The following MYRIP variants were observed in gnomAD, a reference collection of about 807,000 sequenced individuals.
The protein encoded by MYRIP is myosin VIIA and Rab interacting protein.
MYRIP carries 49 observed loss-of-function variants against 98.0 expected under a neutral mutation model. The ratio of observed to expected loss-of-function variants is 0.50; its 90% CI spans 0.40 to 0.63. The LOEUF is 0.63. MYRIP is among the 30% of genes least tolerant of loss of function. The probability of loss-of-function intolerance (pLI) is 0.00; values close to 1 mark genes in which losing one functional copy is unlikely to be tolerated. For missense variants in MYRIP, 1,004 were observed against 1,058.2 expected (o/e 0.95, Z 0.71); for synonymous variants, 404 against 409.5 (o/e 0.99, Z 0.16).
At chr3:39,858,824 A>G (rs1942379767) in intron 1 of MYRIP, among the ~76,000 whole-genome samples, 1 of 152,262 alleles carries the variant, frequency 6.6e-6, no homozygotes, top group African/African-American at 2.4e-5. Context: ...GAAATTTTTA[A>G]ATACCTTGAG....
chr3:39,964,850 G>A (rs2125737018), intron 2 of MYRIP, among the ~76,000 whole-genome samples: 1 of 152,156 alleles, frequency 6.6e-6, no homozygotes, highest in Middle Eastern at 3.4e-3. Flanking sequence ...TTTAATATGT[G>A]TATTCATCTG....
chr3:39,920,282 TG>T (rs1944277838), intron 2 of MYRIP, among the ~76,000 whole-genome samples: 1 of 152,174 alleles, frequency 6.6e-6, no homozygotes, highest in Non-Finnish European at 1.5e-5. Flanking sequence ...TAAACTCAAA[TG>T]TTTTTTATGG....
Position 39,929,846 on chromosome 3 carries a change from G to A in MYRIP, c.110+28920G>A, listed in dbSNP as rs139547151. The stretch of plus-strand genomic sequence containing the variant: ...AATCATGCAATGTGTTGCCTTTTGT[G>A]TAGGGCTTTTTCAACTTGGCATGTT... On this transcript the variant is annotated intron_variant, in intron 2 of 16. Coordinates refer to ENST00000302541, the MANE Select transcript of MYRIP (RefSeq NM_015460.4). 7.9e-5 allele frequency among the ~76,000 whole-genome samples: 12 copies of A among 152,046 alleles called. No homozygotes were observed. The East Asian group carries it at 1.7e-3, about 22-fold the overall frequency.
chr3:40,258,163 C>A lies in MYRIP; in HGVS notation c.2577C>A (p.Tyr859Ter), dbSNP rs1436781925. ...MEPALESAVM[Y>*] is the part of the protein sequence containing the mutation. ...CTGCTCTGGAGTCAGCTGTGATGTA[C>A]TGACACCATGGAATTCCACTGCCAG... The change falls in exon 17 of 17, where the codon TAC (tyrosine) becomes TAA (stop). Residue 859 changes from tyrosine to a stop codon, truncating the protein, a stop_gained. Coordinates refer to ENST00000302541, the MANE Select transcript of MYRIP (RefSeq NM_015460.4). LOFTEE classifies it high-confidence loss of function. 2 of 1,614,036 alleles carry A rather than the reference C, an allele frequency of 1.2e-6. No individual in the cohort carries two copies. The highest frequency in any genetic ancestry group is 2.2e-5 in the East Asian group (1 of 44,898).
chr3:40,169,598 A>T (rs1950567908), intron 7 of MYRIP, among the ~76,000 whole-genome samples: 1 of 152,174 alleles, frequency 6.6e-6, no homozygotes, highest in East Asian at 1.9e-4. Context: ...AGTCTCTCTG[A>T]GCCTGTTTCC....
Position 40,259,251 on chromosome 3 carries a change from A to T in MYRIP, c.*1085A>T, listed in dbSNP as rs1472222419. On this transcript the variant is annotated 3_prime_UTR_variant, in exon 17 of 17. Coordinates refer to ENST00000302541, the MANE Select transcript of MYRIP (RefSeq NM_015460.4). ...TCTGTGGTTTCTTTGAACCCATATC[A>T]AATGTATGACTATTTAGAGTGTTTA... 1 of 152,250 alleles carries T rather than the reference A, an allele frequency of 6.6e-6. No individual in the cohort carries two copies. Among genetic ancestry groups the T allele is most frequent in the Admixed American group, 6.5e-5 (1 of 15,284 alleles). 9.4% of individuals were successfully genotyped at this position (152,250 alleles called of 1,614,324 possible).
chr3:40,178,375 C>T (rs190247299), intron 8 of MYRIP, among the ~76,000 whole-genome samples: 147 of 152,326 alleles, frequency 9.7e-4, no homozygotes, highest in Non-Finnish European at 9.0e-4. Context: ...AGTTGGTTCA[C>T]GTGGCAAGTC....
intron 2 of MYRIP, among the ~76,000 whole-genome samples, chr3:39,996,810 G>T (rs1946370924): frequency 6.6e-6 from 1 of 152,122 alleles, no homozygotes. Context: ...AAATGTAAAA[G>T]AACAGAAATA....
At chr3:40,258,083 TCTCA>T (rs1402102923) in intron 16 of MYRIP, 47 bp from the exon 17 acceptor site, 1 of 1,603,144 alleles carries the variant, frequency 6.2e-7, no homozygotes, top group Non-Finnish European at 8.5e-7. Context: ...CATTGCTTCT[TCTCA>T]CTCTTCCCAA....
intron 3 of MYRIP, among the ~76,000 whole-genome samples, chr3:40,100,834 C>T (rs1559400833): frequency 1.3e-5 from 2 of 152,188 alleles, no homozygotes; most frequent in Non-Finnish European, 2.9e-5. Context: ...ATACTATATC[C>T]ATCACCCAGG....
At chr3:40,158,867 T>C (rs1435471654) in intron 4 of MYRIP, among the ~76,000 whole-genome samples, 1 of 150,760 alleles carries the variant, frequency 6.6e-6, no homozygotes, top group Non-Finnish European at 1.5e-5. Context: ...TCCTCCATCC[T>C]TTTATTTTGA....
At chr3:40,117,189 C>G (rs1054954252) in intron 3 of MYRIP, among the ~76,000 whole-genome samples, 1 of 152,114 alleles carries the variant, frequency 6.6e-6, no homozygotes, top group African/African-American at 2.4e-5. Flanking sequence ...CTTTGGTGGC[C>G]AGTTTAGAAA....
At chr3:40,028,524 T>C (rs1207853222) in intron 2 of MYRIP, among the ~76,000 whole-genome samples, 2 of 152,188 alleles carry the variant, frequency 1.3e-5, no homozygotes, top group African/African-American at 4.8e-5. Flanking sequence ...TATTTGCTTT[T>C]GTAGCTTTGC....
intron 3 of MYRIP, among the ~76,000 whole-genome samples, chr3:40,067,830 A>G (rs1559386669): frequency 6.6e-6 from 1 of 152,210 alleles, no homozygotes; most frequent in African/African-American, 2.4e-5. Flanking sequence ...ATAATCACCC[A>G]TGATCCTATC....
chr3:40,080,658 G>A (rs1474090135), intron 3 of MYRIP, among the ~76,000 whole-genome samples: 1 of 151,692 alleles, frequency 6.6e-6, no homozygotes, highest in Non-Finnish European at 1.5e-5. Flanking sequence ...TGCATCTCTA[G>A]TATCATACCT....
intron 2 of MYRIP, among the ~76,000 whole-genome samples, chr3:39,930,127 G>A (rs948215619): frequency 3.3e-5 from 5 of 151,832 alleles, no homozygotes; most frequent in African/African-American, 9.7e-5. Context: ...TTGAGAAATC[G>A]CCAAACTTTT....
chr3:40,185,831 G>A (rs2125622940), intron 9 of MYRIP, among the ~76,000 whole-genome samples: 1 of 152,212 alleles, frequency 6.6e-6, no homozygotes, highest in Admixed American at 6.5e-5. Flanking sequence ...AGGGCCCCAG[G>A]AGAAGCTGTA....
intron 4 of MYRIP, 116 bp from the exon 5 acceptor site, chr3:40,162,614 G>A: frequency 1.2e-6 from 1 of 836,254 alleles, no homozygotes; most frequent in Non-Finnish European, 1.9e-6. Flanking sequence ...TATTTGCAAG[G>A]CTAACAACCC....
At chr3:39,905,808 T>C (rs1943865458) in intron 2 of MYRIP, among the ~76,000 whole-genome samples, 1 of 152,248 alleles carries the variant, frequency 6.6e-6, no homozygotes, top group African/African-American at 2.4e-5. Flanking sequence ...TTATTGAAGT[T>C]AGCAGGTATC....
Sources: allele counts gnomAD v4.1 joint callset (sites outside exome capture counted in the v4.1 genomes callset), GRCh38; gene constraint gnomAD v4.1.1; transcripts MANE v1.5; gene names NCBI Gene and HGNC (gene_info 2026-07-23, HGNC 2026-07-21).